SUPT3H: variants seen among roughly 807,000 people sequenced by gnomAD.
SUPT3H encodes the protein SPT3 homolog, SAGA and STAGA complex component, also known as transcription initiation protein SPT3 homolog.
In SUPT3H, 44 loss-of-function variants were observed where a neutral mutation model predicts 44.3. The observed-to-expected ratio is 0.99, with a 90% confidence interval of 0.78 to 1.28. The LOEUF is 1.28. Among genes scored for constraint, SUPT3H ranks in the 50% most tolerant of loss-of-function variants. The pLI is 0.00. For synonymous variants in SUPT3H, 124 were observed against 125.6 expected, an observed-to-expected ratio of 0.99 and a Z score of 0.09; for missense variants, 380 against 387.1, an observed-to-expected ratio of 0.98 and a Z score of 0.15.
At chr6:44,966,021 A>T (rs981242140) in intron 6 of SUPT3H, among the ~76,000 whole-genome samples, 1 of 152,206 alleles carries the variant, frequency 6.6e-6, no homozygotes, top group Non-Finnish European at 1.5e-5. Flanking sequence ...TCAAACTGTA[A>T]TCCAATTTTA....
intron 2 of SUPT3H, among the ~76,000 whole-genome samples, chr6:45,230,684 A>ATTTTTTTT (rs1363543780): frequency 2.0e-5 from 2 of 101,070 alleles, no homozygotes; most frequent in African/African-American, 8.0e-5. Context: ...ATATATATAT[A>ATTTTTTTT]TATTTTTGAG....
chr6:45,313,685 G>A (rs536804227), intron 2 of SUPT3H, among the ~76,000 whole-genome samples: 187 of 148,088 alleles, frequency 1.3e-3, no homozygotes, highest in African/African-American at 4.1e-3. Flanking sequence ...ACGACCAGAC[G>A]GATTCACAGC....
chr6:45,039,857 A>AT (rs1554217896), intron 3 of SUPT3H, among the ~76,000 whole-genome samples: 34,056 of 151,222 alleles, frequency 0.23, 4,473 homozygotes, highest in Non-Finnish European at 0.31. Flanking sequence ...AAAAAAAAAA[A>AT]TTTTGCTAGA....
chr6:45,288,500 A>G (rs1779680413), intron 2 of SUPT3H, among the ~76,000 whole-genome samples: 1 of 148,756 alleles, frequency 6.7e-6, no homozygotes, highest in Non-Finnish European at 1.5e-5. Flanking sequence ...TACTTTATTA[A>G]TCACAGTATT....
chr6:44,896,592 G>A (rs1171146365), intron 10 of SUPT3H, among the ~76,000 whole-genome samples: 1 of 152,110 alleles, frequency 6.6e-6, no homozygotes, highest in Non-Finnish European at 1.5e-5. Flanking sequence ...GTAACTAAGA[G>A]GCATCACAAC....
At position 44,884,269 on chromosome 6, in the gene SUPT3H, G is replaced by T. The variant is rs186508226; in HGVS notation, c.912+48384C>A. 5.3e-5 allele frequency among the ~76,000 whole-genome samples: 8 copies of T among 152,284 alleles called. No individual in the cohort carries two copies. The East Asian group carries it at 1.5e-3, about 29-fold the overall frequency. The stretch of plus-strand genomic sequence containing the variant: ...ACGTGAAAAAAAGCTCATCATCACT[G>T]GTCATTAGAGAAATGCAAATCAAAC... On this transcript the variant is annotated intron_variant, in intron 10 of 10. Coordinates refer to ENST00000371459, the MANE Select transcript of SUPT3H (RefSeq NM_003599.4).
intron 10 of SUPT3H, among the ~76,000 whole-genome samples, chr6:44,866,997 T>C (rs1775609300): frequency 6.6e-6 from 1 of 152,210 alleles, no homozygotes; most frequent in African/African-American, 2.4e-5. Context: ...GAAACATCAC[T>C]GTCCTTTAAC....
intron 2 of SUPT3H, among the ~76,000 whole-genome samples, chr6:45,108,936 A>C (rs1251863202): frequency 6.6e-6 from 1 of 152,162 alleles, no homozygotes; most frequent in Non-Finnish European, 1.5e-5. Context: ...ACCAAAAATC[A>C]AGAAACAAAT....
chr6:45,001,723 A>AT (rs1782035310), intron 6 of SUPT3H, among the ~76,000 whole-genome samples: 1 of 152,074 alleles, frequency 6.6e-6, no homozygotes, highest in Non-Finnish European at 1.5e-5. Flanking sequence ...TTCTGCAACC[A>AT]TAAGTGATGC....
At chr6:45,139,862 G>C (rs1804889892) in intron 2 of SUPT3H, among the ~76,000 whole-genome samples, 1 of 152,084 alleles carries the variant, frequency 6.6e-6, no homozygotes, top group Non-Finnish European at 1.5e-5. Context: ...ACTGAAATTT[G>C]TAATAATTTT....
At chr6:44,852,483 T>C (rs1242503081) in intron 10 of SUPT3H, among the ~76,000 whole-genome samples, 1 of 152,152 alleles carries the variant, frequency 6.6e-6, no homozygotes, top group East Asian at 1.9e-4. Flanking sequence ...TCTAAGGCTA[T>C]TGAAGGACTT....
intron 2 of SUPT3H, among the ~76,000 whole-genome samples, chr6:45,168,309 T>C (rs1810238134): frequency 6.6e-6 from 1 of 152,164 alleles, no homozygotes; most frequent in Non-Finnish European, 1.5e-5. Context: ...CGGAAGTGTT[T>C]AGGATTTCAA....
intron 1 of SUPT3H, among the ~76,000 whole-genome samples, chr6:45,371,070 T>C (rs1795984521): frequency 1.3e-5 from 2 of 152,186 alleles, no homozygotes; most frequent in African/African-American, 4.8e-5. Flanking sequence ...AAAGAGTTAC[T>C]TAATGGTTAA....
chr6:45,085,929 C>A (rs977263165), intron 3 of SUPT3H, among the ~76,000 whole-genome samples: 1 of 152,054 alleles, frequency 6.6e-6, no homozygotes, highest in Non-Finnish European at 1.5e-5. Flanking sequence ...AACATCATAA[C>A]TATTATTTAA....
intron 6 of SUPT3H, among the ~76,000 whole-genome samples, chr6:44,966,337 A>AT (rs969772515): frequency 6.6e-5 from 10 of 151,492 alleles, no homozygotes; most frequent in Admixed American, 1.3e-4. Flanking sequence ...AATGAACATA[A>AT]TTTTTTTTAT....
Position 45,100,541 on chromosome 6 carries a change from T to TAAAAAAAAAAAA in SUPT3H, c.186+5369_186+5380dup, listed in dbSNP as rs58120512. 3.9e-3 allele frequency among the ~76,000 whole-genome samples: 132 copies of TAAAAAAAAAAAA among 33,444 alleles called. 13 individuals are homozygous for TAAAAAAAAAAAA. Among genetic ancestry groups the TAAAAAAAAAAAA allele is most frequent in the African/African-American group, 0.018 (100 of 5,652 alleles). 21.9% of individuals were successfully genotyped at this position (33,444 alleles called of 152,430 possible). On this transcript the variant is annotated intron_variant, in intron 3 of 10. Transcript: ENST00000371459. Reference sequence around the variant, plus strand: ...GGGCATCATAGCAAGACCCTGTACTTAAAAAAAAAAAAAAAAAAAAAAAGA... The same window carrying TAAAAAAAAAAAA: ...GGGCATCATAGCAAGACCCTGTACTTAAAAAAAAAAAAAAAAAAAAAAAAAAAAAAAAAAAGA...
rs1782348911 is a variant in SUPT3H, at chr6:45,003,847, G to T, written c.365-55C>A. The stretch of plus-strand genomic sequence containing the variant: ...AAATGTTCTCAATAGGTTTACATCA[G>T]CACTAATTATTACATGTATTAAATA... On this transcript the variant is annotated intron_variant, in intron 5 of 10. Coordinates refer to ENST00000371459, the MANE Select transcript of SUPT3H (RefSeq NM_003599.4). 8 of 1,573,534 alleles carry T rather than the reference G, an allele frequency of 5.1e-6. No individual in the cohort carries two copies. The Admixed American group carries it at 5.5e-5, about 11-fold the overall frequency.
At chr6:44,991,045 T>C (rs1341061609) in intron 6 of SUPT3H, among the ~76,000 whole-genome samples, 1 of 151,980 alleles carries the variant, frequency 6.6e-6, no homozygotes, top group African/African-American at 2.4e-5. Context: ...AACGAATCCA[T>C]TAGTCATGAC....
chr6:45,364,545 CTATG>C (rs68143873), intron 2 of SUPT3H, among the ~76,000 whole-genome samples: 27,185 of 151,944 alleles, frequency 0.18, 3,732 homozygotes, highest in African/African-American at 0.39. Flanking sequence ...TGAAAAACTA[CTATG>C]TGTCAACAGA....
Sources: allele counts gnomAD v4.1 joint callset (sites outside exome capture counted in the v4.1 genomes callset), GRCh38; gene constraint gnomAD v4.1.1; transcripts MANE v1.5; gene names NCBI Gene and HGNC (gene_info 2026-07-23, HGNC 2026-07-21).